The following NGEF variants were observed in gnomAD, a reference collection of about 807,000 sequenced individuals.
NGEF encodes neuronal guanine nucleotide exchange factor, also known as ephexin-1.
A neutral mutation model predicts 80.9 loss-of-function variants in NGEF; 31 were observed. That is an observed-to-expected ratio of 0.38 (90% CI 0.29 to 0.52). NGEF has a LOEUF of 0.52. NGEF is among the 20% of genes least tolerant of loss of function. The probability of loss-of-function intolerance (pLI) is 0.84; values close to 1 mark genes in which losing one functional copy is unlikely to be tolerated. For synonymous variants in NGEF, 371 were observed against 370.2 expected, an observed-to-expected ratio of 1.00 and a Z score of -0.03; for missense variants, 709 against 926.2, an observed-to-expected ratio of 0.77 and a Z score of 3.04.
At chr2:232,979,710 T>C (rs1694370502) in intron 1 of NGEF, among the ~76,000 whole-genome samples, 1 of 152,178 alleles carries the variant, frequency 6.6e-6, no homozygotes, top group Non-Finnish European at 1.5e-5. Flanking sequence ...TCACACCCCC[T>C]GAGCACCTGC....
At position 232,897,917 on chromosome 2, in the gene NGEF, C is replaced by T. The variant is rs538528422; in HGVS notation, c.829-3001G>A. On this transcript the variant is annotated intron_variant, in intron 5 of 14. Coordinates refer to ENST00000264051, the MANE Select transcript of NGEF (RefSeq NM_019850.3). ...GGCCTCTCCGTGGCCATCCCCACGT[C>T]GCATCTGCCTCATCTACCTAAAAAG... 1.0e-3 allele frequency among the ~76,000 whole-genome samples: 157 copies of T among 152,328 alleles called. 1 individual carries two copies. Among genetic ancestry groups the T allele is most frequent in the African/African-American group, 3.4e-3 (143 of 41,562 alleles).
chr2:232,909,073 T>TC, intron 5 of NGEF, among the ~76,000 whole-genome samples: 1 of 152,234 alleles, frequency 6.6e-6, no homozygotes. Flanking sequence ...CCTACTCCTT[T>TC]CCTCATCTTA....
At chr2:232,957,594 A>G (rs778734996) in intron 3 of NGEF, among the ~76,000 whole-genome samples, 10 of 152,202 alleles carry the variant, frequency 6.6e-5, no homozygotes, top group Non-Finnish European at 1.3e-4. Context: ...AAGTGCTGGG[A>G]TTACAGGTGT....
At position 232,883,483 on chromosome 2, in the gene NGEF, A is replaced by C. The variant is rs1470206537; in HGVS notation, c.1602-17T>G. ...TACTTGTCTCTGGAGATCAGGGAGAAGGGCAGGCGTGTCAGCCCCGAGGAG... is the reference window on the plus strand; with the variant it reads ...TACTTGTCTCTGGAGATCAGGGAGACGGGCAGGCGTGTCAGCCCCGAGGAG... On this transcript the variant is annotated splice_polypyrimidine_tract_variant and intron_variant, in intron 11 of 14. Transcript: ENST00000264051. The C allele has an allele frequency of 6.4e-7, 1 of 1,569,062 alleles. No individual in the cohort carries two copies. Among genetic ancestry groups the C allele is most frequent in the African/African-American group, 1.4e-5 (1 of 74,030 alleles).
intron 3 of NGEF, among the ~76,000 whole-genome samples, chr2:232,960,240 C>A (rs185202974): frequency 6.6e-6 from 1 of 152,314 alleles, no homozygotes; most frequent in African/African-American, 2.4e-5. Flanking sequence ...AGGTTTTTTT[C>A]TTATACATAT....
Position 232,892,912 on chromosome 2 carries a change from G to A in NGEF, c.1128C>T (p.Thr376=), listed in dbSNP as rs757582630. 81 of 1,613,236 alleles carry A rather than the reference G, an allele frequency of 5.0e-5. No homozygotes were observed. The highest frequency in any genetic ancestry group is 6.8e-5 in the Non-Finnish European group (80 of 1,179,862). ...GATACACTCACAGCAGCTGCTTATAGGTCCGCTCCTGGTAGGTCTGATTGC... is the reference window on the plus strand; with the variant it reads ...GATACACTCACAGCAGCTGCTTATAAGTCCGCTCCTGGTAGGTCTGATTGC... The part of the protein sequence containing the change: ...YVSNQTYQER[T]YKQLLQEKAA... Residue 376 remains threonine (T), a synonymous_variant, in exon 7 of 15, where the codon ACC becomes ACT. Coordinates refer to ENST00000264051, the MANE Select transcript of NGEF (RefSeq NM_019850.3). This position sits in a 1 kb window ranked among gnomAD's most constrained non-coding sequence, Gnocchi z 4.0.
At chr2:232,899,617 CACAT>C (rs1390167112) in intron 5 of NGEF, among the ~76,000 whole-genome samples, 7 of 147,754 alleles carry the variant, frequency 4.7e-5, no homozygotes, top group South Asian at 2.1e-4. Flanking sequence ...CACTCACACA[CACAT>C]GCTCTCACAG....
intron 5 of NGEF, among the ~76,000 whole-genome samples, chr2:232,897,130 G>T (rs1169780642): frequency 6.7e-6 from 1 of 148,586 alleles, no homozygotes; most frequent in Non-Finnish European, 1.5e-5. Context: ...GATGGGGTAG[G>T]GGGTGGAGGT....
intron 3 of NGEF, among the ~76,000 whole-genome samples, chr2:232,937,512 C>A (rs1459403755): frequency 6.6e-6 from 1 of 152,216 alleles, no homozygotes. Flanking sequence ...TCACTCCTGA[C>A]AGCTCCCAGG....
chr2:232,979,386 ACACACACACAGG>A (rs1694362469), intron 1 of NGEF, among the ~76,000 whole-genome samples: 1 of 42,958 alleles, frequency 2.3e-5, no homozygotes, highest in African/African-American at 8.5e-5. Context: ...ACACACACAC[ACACACACACAGG>A]AAGAGATTGT....
chr2:232,977,995 G>T (rs1694331722), intron 1 of NGEF, among the ~76,000 whole-genome samples: 1 of 152,110 alleles, frequency 6.6e-6, no homozygotes, highest in South Asian at 2.1e-4. Context: ...AGCCAGGTTG[G>T]GGTCAGAGCA....
intron 1 of NGEF, among the ~76,000 whole-genome samples, chr2:233,003,801 C>T (rs1695030740): frequency 6.6e-6 from 1 of 152,152 alleles, no homozygotes; most frequent in Non-Finnish European, 1.5e-5. Context: ...GAGTCCCAGC[C>T]ATGGGGATCT....
intron 4 of NGEF, among the ~76,000 whole-genome samples, chr2:232,925,894 T>C (rs1008156925): frequency 1.3e-5 from 2 of 152,168 alleles, no homozygotes; most frequent in Non-Finnish European, 2.9e-5. Flanking sequence ...CCACCCAGCC[T>C]GACACGTGGA....
chr2:232,994,352 G>C (rs1459179187), intron 1 of NGEF, among the ~76,000 whole-genome samples: 1 of 138,908 alleles, frequency 7.2e-6, no homozygotes, highest in Non-Finnish European at 1.5e-5. Flanking sequence ...CCTGGGTAAC[G>C]GAGCGAGACT....
At chr2:232,889,113 C>A (rs551565481) in intron 8 of NGEF, among the ~76,000 whole-genome samples, 8 of 152,178 alleles carry the variant, frequency 5.3e-5, no homozygotes, top group Non-Finnish European at 1.0e-4. Flanking sequence ...AAGCCAGAGA[C>A]CTTCGAGACC....
At chr2:232,952,838 A>G (rs1412295706) in intron 3 of NGEF, among the ~76,000 whole-genome samples, 8 of 151,258 alleles carry the variant, frequency 5.3e-5, no homozygotes, top group East Asian at 1.9e-4. Context: ...GTGTGGTGGC[A>G]GTCACCTGTA....
intron 1 of NGEF, among the ~76,000 whole-genome samples, chr2:233,008,704 C>A (rs889926912): frequency 6.6e-6 from 1 of 152,164 alleles, no homozygotes; most frequent in Non-Finnish European, 1.5e-5. Flanking sequence ...AGGAAACATA[C>A]TCATTAACTA....
At chr2:232,928,152 T>C in intron 3 of NGEF, 1 of 976,732 alleles carries the variant, frequency 1.0e-6, no homozygotes, top group Non-Finnish European at 1.2e-6. Flanking sequence ...TGCCGAGCAC[T>C]CCCGCGGGCG....
intron 3 of NGEF, among the ~76,000 whole-genome samples, chr2:232,943,994 A>G (rs1693497424): frequency 6.6e-6 from 1 of 151,660 alleles, no homozygotes; most frequent in Non-Finnish European, 1.5e-5. Context: ...GCACTTTGGG[A>G]GGCCGAGGCC....
Sources: gnomAD v4.1 joint callset for allele counts (sites outside exome capture counted in the v4.1 genomes callset) on GRCh38, gnomAD v4.1.1 for gene constraint, Gnocchi (gnomAD v3.1) non-coding constraint, MANE v1.5 for transcripts, NCBI Gene and HGNC (gene_info 2026-07-23, HGNC 2026-07-21) for gene names.